Variants in XKR9 observed in about 807,000 individuals in gnomAD.
XKR9 encodes the protein XK-related protein 9.
In XKR9, 32 loss-of-function variants were observed where a neutral mutation model predicts 32.0. The observed-to-expected ratio is 1.00, with a 90% CI of 0.76 to 1.34. The LOEUF (loss-of-function observed/expected upper bound fraction) is 1.34, where lower values mean the gene tolerates loss of function less well. XKR9 is among the 40% of genes most tolerant of loss of function. The pLI is 0.00. For missense variants in XKR9, 546 were observed against 429.7 expected (o/e 1.27, Z -2.39); for synonymous variants, 168 against 143.4 (o/e 1.17, Z -1.22).
intron 3 of XKR9, among the ~76,000 whole-genome samples, chr8:70,705,258 A>T (rs929831895): frequency 3.3e-5 from 5 of 152,190 alleles, no homozygotes; most frequent in Admixed American, 3.3e-4. Context: ...GTTGTTTAGG[A>T]TATAGCAATG....
chr8:70,795,915 C>G, the XKR9 span, among the ~76,000 whole-genome samples: 158 of 152,102 alleles, frequency 1.0e-3, 1 homozygote, highest in Middle Eastern at 6.8e-3. Flanking sequence ...CTAACTTTCT[C>G]CCATTCTGTA....
chr8:71,041,598 C>T, the XKR9 span, among the ~76,000 whole-genome samples: 1 of 152,000 alleles, frequency 6.6e-6, no homozygotes, highest in Non-Finnish European at 1.5e-5. Flanking sequence ...AATTGTAATC[C>T]CCACATGTGG....
the XKR9 span, among the ~76,000 whole-genome samples, chr8:70,918,931 C>T: frequency 6.6e-6 from 1 of 151,670 alleles, no homozygotes; most frequent in Admixed American, 6.5e-5. Context: ...GCGCCCGCCA[C>T]CACGCCCGGC....
chr8:70,855,792 T>C, the XKR9 span, among the ~76,000 whole-genome samples: 4 of 152,190 alleles, frequency 2.6e-5, no homozygotes, highest in South Asian at 8.3e-4. Flanking sequence ...GCAGAAACTC[T>C]ACAAGCCAGA....
At chr8:70,920,303 T>C in the XKR9 span, among the ~76,000 whole-genome samples, 1 of 152,208 alleles carries the variant, frequency 6.6e-6, no homozygotes, top group African/African-American at 2.4e-5. Flanking sequence ...ACATTAATGA[T>C]AAACAAAATT....
the XKR9 span, among the ~76,000 whole-genome samples, chr8:70,931,256 G>T: frequency 6.6e-6 from 1 of 151,916 alleles, no homozygotes; most frequent in Non-Finnish European, 1.5e-5. Context: ...TACACAGGAA[G>T]AGCTCCAACA....
At chr8:70,779,174 G>T (rs1408897042) in intron 2 of XKR9, among the ~76,000 whole-genome samples, 1 of 152,048 alleles carries the variant, frequency 6.6e-6, no homozygotes, top group African/African-American at 2.4e-5. Flanking sequence ...GTTGAATTTT[G>T]TCGAAGGCCT....
the XKR9 span, among the ~76,000 whole-genome samples, chr8:71,063,482 G>T: frequency 6.6e-6 from 1 of 151,762 alleles, no homozygotes; most frequent in Non-Finnish European, 1.5e-5. Flanking sequence ...CCCTTAAAAT[G>T]ACTGAATTTA....
chr8:70,918,570 T>G, the XKR9 span, among the ~76,000 whole-genome samples: 1 of 151,948 alleles, frequency 6.6e-6, no homozygotes, highest in Non-Finnish European at 1.5e-5. Flanking sequence ...GGTAACAGTA[T>G]TAGTCTCAGA....
chr8:70,782,295 C>T (rs540916877), intron 2 of XKR9, among the ~76,000 whole-genome samples: 3 of 151,990 alleles, frequency 2.0e-5, no homozygotes, highest in Admixed American at 1.3e-4. Flanking sequence ...AATTTATAAT[C>T]GTATACATTT....
At chr8:70,901,467 G>C in the XKR9 span, among the ~76,000 whole-genome samples, 1 of 152,192 alleles carries the variant, frequency 6.6e-6, no homozygotes, top group Non-Finnish European at 1.5e-5. Context: ...CTTTTGAGAA[G>C]TGTCTGTTCA....
chr8:70,797,419 T>C, the XKR9 span, among the ~76,000 whole-genome samples: 1 of 152,170 alleles, frequency 6.6e-6, no homozygotes, highest in Non-Finnish European at 1.5e-5. Context: ...GGATTCAACC[T>C]TTTGAACTGA....
chr8:70,869,507 C>A, the XKR9 span, among the ~76,000 whole-genome samples: 1 of 152,112 alleles, frequency 6.6e-6, no homozygotes, highest in East Asian at 1.9e-4. Context: ...ACAGAAAAAA[C>A]CTGCCCCCAT....
chr8:70,694,760 G>T (rs942623364), intron 3 of XKR9, among the ~76,000 whole-genome samples: 5 of 152,218 alleles, frequency 3.3e-5, no homozygotes, highest in Non-Finnish European at 7.3e-5. Context: ...TGGAAATGGG[G>T]CCTGTGGGCT....
intron 4 of XKR9, among the ~76,000 whole-genome samples, chr8:70,724,420 A>C (rs1586859586): frequency 1.8e-5 from 2 of 112,110 alleles, no homozygotes; most frequent in Non-Finnish European, 3.8e-5. Context: ...TCCAAGTGCC[A>C]CTGGGGTAGG....
chr8:70,801,249 G>A, the XKR9 span, among the ~76,000 whole-genome samples: 2 of 151,978 alleles, frequency 1.3e-5, no homozygotes, highest in Non-Finnish European at 2.9e-5. Flanking sequence ...TCTAGGTGTG[G>A]TGCTGGGTTG....
chr8:70,915,008 T>G, the XKR9 span, among the ~76,000 whole-genome samples: 1,271 of 152,024 alleles, frequency 8.4e-3, 18 homozygotes, highest in African/African-American at 0.029. Flanking sequence ...TCAAGGATAG[T>G]TTGGTGAGCA....
At chr8:71,055,495 T>C in the XKR9 span, among the ~76,000 whole-genome samples, 1 of 152,204 alleles carries the variant, frequency 6.6e-6, no homozygotes, top group South Asian at 2.1e-4. Context: ...TTCTTGGGCT[T>C]CTAGGCATCA....
the XKR9 span, among the ~76,000 whole-genome samples, chr8:70,931,722 A>G: frequency 6.6e-6 from 1 of 152,192 alleles, no homozygotes; most frequent in South Asian, 2.1e-4. Flanking sequence ...CAGAGGCCAA[A>G]GAGGGAGCAG....
Sources: gnomAD v4.1 joint callset for allele counts (sites outside exome capture counted in the v4.1 genomes callset) on GRCh38, gnomAD v4.1.1 for gene constraint, MANE v1.5 for transcripts, NCBI Gene and HGNC (gene_info 2026-07-23, HGNC 2026-07-21) for gene names.